The following RAP1GDS1 variants were observed in gnomAD, a reference collection of about 807,000 sequenced individuals.
RAP1GDS1 encodes the protein Rap1 GTPase-GDP dissociation stimulator 1.
RAP1GDS1 carries 35 observed loss-of-function variants against 71.1 expected under a neutral mutation model. That is an observed-to-expected ratio of 0.49 (90% CI 0.38 to 0.65). The LOEUF is 0.65. RAP1GDS1 is among the 30% of genes least tolerant of loss of function. The pLI is 0.00. For synonymous variants in RAP1GDS1, 229 were observed against 243.1 expected (o/e 0.94, Z 0.54); for missense variants, 663 against 706.1 (o/e 0.94, Z 0.69).
chr4:98,443,697 C>CTATATA lies in RAP1GDS1; in HGVS notation c.*1583_*1584insATATAT, dbSNP rs1164620756. The CTATATA allele has an allele frequency of 2.0e-5, 4 of 201,748 alleles. No homozygotes were observed. The highest frequency in any genetic ancestry group is 3.1e-5 in the Non-Finnish European group (3 of 98,150). The allele number at this position is 201,748 out of a possible 1,614,324, so 12.5% of individuals were successfully genotyped here. ...TCCCTTTGATGTCCAAATAAGGGAA[C>CTATATA]TATTGTGAGTACGTATGCTACACTT... On this transcript the variant is annotated 3_prime_UTR_variant, in exon 15 of 15. Transcript: ENST00000408927.
chr4:98,410,084 C>A (rs1465709984), intron 7 of RAP1GDS1, among the ~76,000 whole-genome samples: 3 of 152,076 alleles, frequency 2.0e-5, no homozygotes, highest in African/African-American at 7.2e-5. Flanking sequence ...GCCTGAGCAA[C>A]ATAGTGAGGC....
chr4:98,356,572 A>G (rs1738004047), intron 4 of RAP1GDS1, among the ~76,000 whole-genome samples: 1 of 152,124 alleles, frequency 6.6e-6, no homozygotes, highest in Non-Finnish European at 1.5e-5. Flanking sequence ...ACGTGAAATT[A>G]AATATTTGTG....
chr4:98,297,710 T>C (rs1370629425), intron 2 of RAP1GDS1, among the ~76,000 whole-genome samples: 2 of 152,154 alleles, frequency 1.3e-5, no homozygotes, highest in Non-Finnish European at 2.9e-5. Context: ...GGCCTCCCTA[T>C]TGCATGAGAC....
intron 1 of RAP1GDS1, among the ~76,000 whole-genome samples, chr4:98,289,434 TG>T (rs965522124): frequency 2.0e-5 from 3 of 151,482 alleles, no homozygotes; most frequent in African/African-American, 7.3e-5. Flanking sequence ...AAAGTGTGCT[TG>T]GGAAAAAGCC....
chr4:98,286,950 A>G (rs80222724), intron 1 of RAP1GDS1, among the ~76,000 whole-genome samples: 4,191 of 151,614 alleles, frequency 0.028, 73 homozygotes, highest in Non-Finnish European at 0.043. Context: ...TTTTTATCAC[A>G]TTTCTAAAAT....
chr4:98,337,179 GC>G (rs1343589078), intron 2 of RAP1GDS1, among the ~76,000 whole-genome samples: 2 of 152,148 alleles, frequency 1.3e-5, no homozygotes, highest in Non-Finnish European at 2.9e-5. Context: ...ACAGGTGTGA[GC>G]CACTGCACCC....
At chr4:98,335,185 A>C (rs1734537611) in intron 2 of RAP1GDS1, among the ~76,000 whole-genome samples, 2 of 152,168 alleles carry the variant, frequency 1.3e-5, no homozygotes, top group Non-Finnish European at 2.9e-5. Flanking sequence ...AAAATCCCAT[A>C]AATTCTGTCA....
At position 98,418,512 on chromosome 4, in the gene RAP1GDS1, A is replaced by G. The variant is rs1025372278; in HGVS notation, c.1040-145A>G. On this transcript the variant is annotated intron_variant, in intron 9 of 14. Transcript: ENST00000408927. ...TCTCACTCAGTAAACAGAAAAACCT[A>G]TAAATCTGATGGGAGAAAGATTTGG... 13 of 814,038 alleles carry G rather than the reference A, an allele frequency of 1.6e-5. No homozygotes were observed. The African/African-American group carries it at 2.0e-4, about 12-fold the overall frequency. The allele number at this position is 814,038 out of a possible 1,614,324, so 50.4% of individuals were successfully genotyped here.
chr4:98,443,336 A>G lies in RAP1GDS1; in HGVS notation c.*1219A>G, dbSNP rs903319435. 6 of 231,568 alleles carry G rather than the reference A, an allele frequency of 2.6e-5. No individual in the cohort carries two copies. The highest frequency in any genetic ancestry group is 1.8e-4 in the South Asian group (1 of 5,510). 14.3% of individuals were successfully genotyped at this position (231,568 alleles called of 1,614,324 possible). On this transcript the variant is annotated 3_prime_UTR_variant, in exon 15 of 15. Transcript: ENST00000408927. ...GATGAGAAGACCCCCTTGGCGAAAT[A>G]TAGTGTACTCTTCACTGCCACTGCC...
intron 5 of RAP1GDS1, among the ~76,000 whole-genome samples, chr4:98,385,965 C>G (rs1236179089): frequency 6.6e-6 from 1 of 151,520 alleles, no homozygotes; most frequent in Non-Finnish European, 1.5e-5. Flanking sequence ...TAGATGTGGT[C>G]TTTATCTCAG....
At chr4:98,370,513 G>A (rs1165301163) in intron 4 of RAP1GDS1, among the ~76,000 whole-genome samples, 1 of 151,210 alleles carries the variant, frequency 6.6e-6, no homozygotes, top group African/African-American at 2.4e-5. Flanking sequence ...CTCCAAAAGA[G>A]GTATATTCTC....
intron 4 of RAP1GDS1, among the ~76,000 whole-genome samples, chr4:98,377,401 A>G (rs951764943): frequency 6.6e-6 from 1 of 151,870 alleles, no homozygotes; most frequent in African/African-American, 2.4e-5. Context: ...TAGATTTCTA[A>G]ATGAGATTTG....
chr4:98,361,237 A>C (rs565246692), intron 4 of RAP1GDS1, among the ~76,000 whole-genome samples: 5 of 152,104 alleles, frequency 3.3e-5, no homozygotes, highest in Non-Finnish European at 7.4e-5. Flanking sequence ...ATATATATAT[A>C]GTCTAGCATA....
At chr4:98,354,876 G>A (rs971299049) in intron 4 of RAP1GDS1, among the ~76,000 whole-genome samples, 3 of 152,132 alleles carry the variant, frequency 2.0e-5, no homozygotes, top group African/African-American at 4.8e-5. Flanking sequence ...GTGAATAAAT[G>A]TAAGAAGTGA....
chr4:98,413,702 C>A (rs972532256), intron 7 of RAP1GDS1, among the ~76,000 whole-genome samples: 1 of 151,972 alleles, frequency 6.6e-6, no homozygotes, highest in Non-Finnish European at 1.5e-5. Context: ...GTCTTTATAG[C>A]AGCATGATTT....
In RAP1GDS1 at chr4:98,428,021, T is replaced by C. The variant is rs115604970; in HGVS notation, c.1441-5915T>C. On this transcript the variant is annotated intron_variant, in intron 12 of 14. Transcript: ENST00000408927. ...GTACAAAAATAGGCACACAGACCAA[T>C]TGAACAGAATAGAGAACCGAGTAAT... is the stretch of plus-strand genomic sequence containing the variant. Among the ~76,000 whole-genome samples the C allele has an allele frequency of 7.3e-3, 1,115 of 152,182 alleles. 19 individuals are homozygous for C. Among genetic ancestry groups the C allele is most frequent in the African/African-American group, 0.026 (1,074 of 41,516 alleles).
At chr4:98,361,486 G>A (rs1738743623) in intron 4 of RAP1GDS1, among the ~76,000 whole-genome samples, 1 of 152,054 alleles carries the variant, frequency 6.6e-6, no homozygotes, top group African/African-American at 2.4e-5. Flanking sequence ...AAAATATAGG[G>A]AGTAAAGAAA....
chr4:98,419,962 A>C (rs1234052362), intron 10 of RAP1GDS1, 57 bp from the exon 11 acceptor site: 1 of 1,450,830 alleles, frequency 6.9e-7, no homozygotes, highest in Admixed American at 2.1e-5. Context: ...ATTGAATTGA[A>C]TGTTTATCAA....
At chr4:98,310,765 C>G (rs1308849921) in intron 2 of RAP1GDS1, among the ~76,000 whole-genome samples, 2 of 151,316 alleles carry the variant, frequency 1.3e-5, no homozygotes, top group Non-Finnish European at 2.9e-5. Context: ...ACTTGAACGG[C>G]AAAGTTGAAA....
Sources: gnomAD v4.1 joint callset for allele counts (sites outside exome capture counted in the v4.1 genomes callset) on GRCh38, gnomAD v4.1.1 for gene constraint, MANE v1.5 for transcripts, NCBI Gene and HGNC (gene_info 2026-07-23, HGNC 2026-07-21) for gene names.